EPHA6: variants seen among roughly 807,000 people sequenced by gnomAD.
EPHA6 encodes the protein EPH receptor A6.
EPHA6 carries 50 observed loss-of-function variants against 112.0 expected under a neutral mutation model. The ratio of observed to expected loss-of-function variants is 0.45; its 90% CI spans 0.36 to 0.56. The LOEUF is 0.56. EPHA6 is among the 20% of genes least tolerant of loss of function. The pLI, the probability that EPHA6 is intolerant of heterozygous loss-of-function variation, is 0.00. For synonymous variants in EPHA6, 529 were observed against 490.7 expected, an observed-to-expected ratio of 1.08 and a Z score of -1.03; for missense variants, 1,280 against 1,417.4, an observed-to-expected ratio of 0.90 and a Z score of 1.56.
intron 3 of EPHA6, among the ~76,000 whole-genome samples, chr3:97,110,446 A>G (rs1424611174): frequency 6.6e-6 from 1 of 152,050 alleles, no homozygotes; most frequent in Non-Finnish European, 1.5e-5. Flanking sequence ...TTCATTTATT[A>G]TGATTATTTT....
intron 5 of EPHA6, among the ~76,000 whole-genome samples, chr3:97,295,645 T>C (rs568608399): frequency 1.4e-4 from 21 of 152,292 alleles, no homozygotes; most frequent in African/African-American, 5.1e-4. Context: ...TTATGTTGTA[T>C]CTGTGCATTG....
At position 97,598,354 on chromosome 3, in the gene EPHA6, C is replaced by T. The variant is rs1348018693; in HGVS notation, c.2512+5617C>T. ...TATGTATACATGTGCCATGCTGGTG[C>T]GCTGCACCCACTAACTCGTCATCTA... is the stretch of plus-strand genomic sequence containing the variant. On this transcript the variant is annotated intron_variant, in intron 12 of 17. Transcript: ENST00000389672. Among the ~76,000 whole-genome samples, 8 of 149,220 alleles carry T rather than the reference C, an allele frequency of 5.4e-5. No homozygotes were observed. The East Asian group carries it at 8.1e-4, about 15-fold the overall frequency.
At chr3:97,677,947 C>G (rs114476989) in intron 14 of EPHA6, among the ~76,000 whole-genome samples, 1 of 151,878 alleles carries the variant, frequency 6.6e-6, no homozygotes, top group African/African-American at 2.4e-5. Flanking sequence ...GACATTAATT[C>G]GTATTAATGT....
At chr3:96,987,262 G>GT (rs2043056574) in intron 2 of EPHA6, 68 bp from the exon 3 acceptor site, 2 of 1,376,910 alleles carry the variant, frequency 1.5e-6, no homozygotes, top group African/African-American at 2.9e-5. Flanking sequence ...AAAAAAAATT[G>GT]TAAGTAATCA....
rs145312550 is a variant in EPHA6, at chr3:97,394,549, A to G, written c.1607-10601A>G. ...GAAAAAGGATTAATATACAGATTAT[A>G]TAAGGAGCTCAACTCAACACTGTAA... On this transcript the variant is annotated intron_variant, in intron 5 of 17. Transcript: ENST00000389672. Among the ~76,000 whole-genome samples, 797 of 151,990 alleles carry G rather than the reference A, an allele frequency of 5.2e-3. 6 individuals are homozygous for G. Among genetic ancestry groups the G allele is most frequent in the African/African-American group, 0.017 (726 of 41,548 alleles).
At chr3:97,692,804 A>T (rs1159350560) in intron 14 of EPHA6, among the ~76,000 whole-genome samples, 1 of 152,224 alleles carries the variant, frequency 6.6e-6, no homozygotes, top group Non-Finnish European at 1.5e-5. Context: ...CAAATTAAAA[A>T]ATACATATGG....
At chr3:96,988,040 T>A in intron 3 of EPHA6, 47 bp downstream of exon 3, 1 of 1,433,662 alleles carries the variant, frequency 7.0e-7, no homozygotes, top group East Asian at 2.5e-5. Context: ...TAAATGATTT[T>A]AAAAAAGTTT....
chr3:97,062,317 A>T (rs571779612), intron 3 of EPHA6, among the ~76,000 whole-genome samples: 30 of 152,036 alleles, frequency 2.0e-4, no homozygotes, highest in African/African-American at 6.7e-4. Flanking sequence ...AGATTGGCTA[A>T]TAAGAAGTAA....
intron 3 of EPHA6, among the ~76,000 whole-genome samples, chr3:97,022,853 G>T (rs1270216514): frequency 6.6e-6 from 1 of 152,142 alleles, no homozygotes; most frequent in East Asian, 1.9e-4. Flanking sequence ...ACTGATCCTA[G>T]CATACCTTTT....
chr3:96,951,335 G>A (rs1231994194), intron 2 of EPHA6, among the ~76,000 whole-genome samples: 4 of 151,918 alleles, frequency 2.6e-5, no homozygotes, highest in Non-Finnish European at 5.9e-5. Context: ...TTGTATTGAA[G>A]ATAAAGTTAT....
At chr3:97,064,585 C>A (rs1421686248) in intron 3 of EPHA6, among the ~76,000 whole-genome samples, 1 of 152,042 alleles carries the variant, frequency 6.6e-6, no homozygotes, top group Admixed American at 6.6e-5. Flanking sequence ...CAATAATATC[C>A]ATTTCTTTAA....
chr3:96,863,856 C>T (rs1348653861), intron 1 of EPHA6, among the ~76,000 whole-genome samples: 8 of 151,972 alleles, frequency 5.3e-5, no homozygotes, highest in Admixed American at 3.3e-4. Context: ...ACACTTAGCT[C>T]TAATGAAAGC....
chr3:97,482,431 C>T (rs754043650), intron 9 of EPHA6, among the ~76,000 whole-genome samples: 143 of 152,258 alleles, frequency 9.4e-4, no homozygotes, highest in Non-Finnish European at 7.5e-4. Context: ...TTCTCATTTT[C>T]TTCAATGGAT....
chr3:97,249,070 T>G (rs932036522), intron 5 of EPHA6, among the ~76,000 whole-genome samples: 9 of 152,120 alleles, frequency 5.9e-5, no homozygotes, highest in African/African-American at 2.2e-4. Context: ...GTGTGGAAGT[T>G]TTAAATACTT....
chr3:96,856,957 A>C (rs919382224), intron 1 of EPHA6, among the ~76,000 whole-genome samples: 3 of 152,166 alleles, frequency 2.0e-5, no homozygotes, highest in African/African-American at 7.2e-5. Flanking sequence ...GGAAGGATAA[A>C]TATTAATCTT....
chr3:96,967,646 T>G (rs772891971), intron 2 of EPHA6, among the ~76,000 whole-genome samples: 1 of 151,906 alleles, frequency 6.6e-6, no homozygotes, highest in Non-Finnish European at 1.5e-5. Context: ...TTTGTTTTAG[T>G]TGTTATCTTT....
intron 11 of EPHA6, among the ~76,000 whole-genome samples, chr3:97,565,432 C>A (rs2093250667): frequency 6.6e-6 from 1 of 152,108 alleles, no homozygotes; most frequent in African/African-American, 2.4e-5. Context: ...AAATCTGTGA[C>A]ACATCATAGT....
intron 5 of EPHA6, among the ~76,000 whole-genome samples, chr3:97,353,373 T>A (rs540120458): frequency 3.3e-5 from 5 of 152,054 alleles, no homozygotes; most frequent in African/African-American, 1.2e-4. Context: ...GCATCTGCCC[T>A]GCACCAGAGC....
At chr3:96,928,521 G>A (rs902629928) in intron 2 of EPHA6, among the ~76,000 whole-genome samples, 10 of 152,152 alleles carry the variant, frequency 6.6e-5, no homozygotes, top group African/African-American at 2.4e-4. Flanking sequence ...CATTTGCTTT[G>A]GAGTATTTTA....
Sources: allele counts gnomAD v4.1 joint callset (sites outside exome capture counted in the v4.1 genomes callset), GRCh38; gene constraint gnomAD v4.1.1; transcripts MANE v1.5; gene names NCBI Gene and HGNC (gene_info 2026-07-23, HGNC 2026-07-21).